Variants in CCDC102B observed in about 807,000 individuals in gnomAD.
CCDC102B encodes coiled-coil domain containing 102B.
In CCDC102B, 75 loss-of-function variants were observed where a neutral mutation model predicts 57.4. The ratio of observed to expected loss-of-function variants is 1.31; its 90% confidence interval spans 1.08 to 1.58. CCDC102B has a LOEUF of 1.58. Ranked by LOEUF, CCDC102B falls within the 40% of genes most tolerant of loss-of-function variation. The pLI is 0.00. For missense variants in CCDC102B, 636 were observed against 582.6 expected, an observed-to-expected ratio of 1.09 and a Z score of -0.94; for synonymous variants, 206 against 201.9, an observed-to-expected ratio of 1.02 and a Z score of -0.17.
intron 6 of CCDC102B, among the ~76,000 whole-genome samples, chr18:68,981,617 AAC>A (rs2050584255): frequency 6.6e-6 from 1 of 152,006 alleles, no homozygotes; most frequent in Admixed American, 6.6e-5. Context: ...GCAGTGAAAA[AAC>A]ACACAAAGCC....
At chr18:68,940,396 C>T (rs914154322) in intron 6 of CCDC102B, among the ~76,000 whole-genome samples, 3 of 151,740 alleles carry the variant, frequency 2.0e-5, no homozygotes, top group African/African-American at 4.8e-5. Flanking sequence ...CAAAATCTCC[C>T]ACAGATAACT....
intron 6 of CCDC102B, among the ~76,000 whole-genome samples, chr18:68,960,354 C>T (rs1398746534): frequency 7.7e-6 from 1 of 129,944 alleles, no homozygotes; most frequent in African/African-American, 3.1e-5. Flanking sequence ...GCCTGATGCC[C>T]TATTCTACTG....
chr18:68,993,002 G>T (rs994186586), intron 6 of CCDC102B: 1 of 158,822 alleles, frequency 6.3e-6, no homozygotes, highest in South Asian at 1.7e-4. Context: ...GAGCAAACTC[G>T]AAAATGTGAC....
At chr18:68,803,082 GT>G (rs1423757615) in intron 1 of CCDC102B, among the ~76,000 whole-genome samples, 9 of 152,112 alleles carry the variant, frequency 5.9e-5, no homozygotes, top group Non-Finnish European at 1.0e-4. Context: ...ACTTAAAACT[GT>G]TTCTTTATTA....
Position 68,836,944 on chromosome 18 carries a change from T to C in CCDC102B, c.181T>C (p.Ser61Pro), listed in dbSNP as rs1366413041. 1 of 1,614,120 alleles carries C rather than the reference T, an allele frequency of 6.2e-7. No homozygotes were observed. The highest frequency in any genetic ancestry group is 1.7e-5 in the Admixed American group (1 of 60,012). The change falls in exon 2 of 8, where the codon TCA becomes CCA. Residue 61 changes from serine to proline, a missense_variant. Ser to Pro is a moderately conservative substitution (Grantham distance 74). Transcript: ENST00000360242. ...TGCTGCTCACAATTTCTGTGCTCAC[T>C]CATATAACACCAACAAATGGGATAT... is the stretch of plus-strand genomic sequence containing the variant. ...SHAAHNFCAHSYNTNKWDICE... is the reference protein window; with the variant it reads ...SHAAHNFCAHPYNTNKWDICE...
chr18:69,038,019 CAG>C (rs2052340896), intron 7 of CCDC102B, among the ~76,000 whole-genome samples: 1 of 151,918 alleles, frequency 6.6e-6, no homozygotes, highest in African/African-American at 2.4e-5. Flanking sequence ...GAGATTGAAA[CAG>C]ATTTATAAAA....
intron 2 of CCDC102B, among the ~76,000 whole-genome samples, chr18:68,722,140 G>A (rs1016467588): frequency 5.3e-5 from 8 of 152,126 alleles, no homozygotes; most frequent in African/African-American, 1.9e-4. Context: ...TATTGTCTCT[G>A]GCTTTGAACG....
intron 5 of CCDC102B, among the ~76,000 whole-genome samples, chr18:68,879,528 C>T (rs759228892): frequency 4.6e-5 from 7 of 151,894 alleles, no homozygotes; most frequent in Non-Finnish European, 8.8e-5. Context: ...AGGTTCTCCA[C>T]GTCCCCACCA....
chr18:68,730,982 A>T (rs944589665), intron 2 of CCDC102B, among the ~76,000 whole-genome samples: 20 of 152,002 alleles, frequency 1.3e-4, no homozygotes, highest in African/African-American at 4.1e-4. Context: ...TTTATTTTTT[A>T]AATTTTATTT....
chr18:69,056,926 C>T (rs1361076126), downstream of CCDC102B, among the ~76,000 whole-genome samples: 1 of 151,924 alleles, frequency 6.6e-6, no homozygotes, highest in African/African-American at 2.4e-5. Flanking sequence ...TCTTCTCAGC[C>T]CCTTTCTAGG....
intron 2 of CCDC102B, among the ~76,000 whole-genome samples, chr18:68,778,765 G>A (rs1452041049): frequency 2.0e-5 from 3 of 151,868 alleles, no homozygotes; most frequent in African/African-American, 7.3e-5. Flanking sequence ...ACAGGGCATG[G>A]GAACTGCTTT....
At chr18:68,988,673 C>T (rs1439380556) in intron 6 of CCDC102B, among the ~76,000 whole-genome samples, 6 of 151,838 alleles carry the variant, frequency 4.0e-5, no homozygotes, top group African/African-American at 9.7e-5. Context: ...AAAGTAAAAA[C>T]TTCATGATTA....
At chr18:68,715,786 A>G (rs1049379189) in intron 1 of CCDC102B, among the ~76,000 whole-genome samples, 2 of 152,176 alleles carry the variant, frequency 1.3e-5, no homozygotes, top group African/African-American at 4.8e-5. Flanking sequence ...AAAACCATAT[A>G]CTTTTATAAG....
chr18:68,771,984 A>T (rs1279183781), intron 2 of CCDC102B, among the ~76,000 whole-genome samples: 1 of 151,896 alleles, frequency 6.6e-6, no homozygotes, highest in African/African-American at 2.4e-5. Context: ...CCTGTTTCCA[A>T]ATGTTTTAGA....
At chr18:68,770,015 C>T (rs2034588345) in intron 2 of CCDC102B, among the ~76,000 whole-genome samples, 1 of 152,106 alleles carries the variant, frequency 6.6e-6, no homozygotes, top group African/African-American at 2.4e-5. Context: ...CTTCATTAGT[C>T]CAGCTGGAAA....
At chr18:68,717,733 T>A (rs2032101537) in intron 2 of CCDC102B, among the ~76,000 whole-genome samples, 1 of 151,998 alleles carries the variant, frequency 6.6e-6, no homozygotes, top group African/African-American at 2.4e-5. Flanking sequence ...TAAAAGATTC[T>A]ACTATTTTGA....
chr18:68,724,201 G>C (rs917492168), intron 2 of CCDC102B, among the ~76,000 whole-genome samples: 25 of 152,176 alleles, frequency 1.6e-4, no homozygotes, highest in African/African-American at 5.8e-4. Context: ...TAGAGCTGGC[G>C]GGCCCTAAGC....
intron 6 of CCDC102B, among the ~76,000 whole-genome samples, chr18:68,913,344 G>GTGTGTGTGTGTGT (rs1555725389): frequency 3.0e-4 from 45 of 150,168 alleles, no homozygotes; most frequent in South Asian, 4.2e-4. Flanking sequence ...GTGTGTGTGT[G>GTGTGTGTGTGTGT]GTCCTACTTT....
chr18:68,793,590 T>TCC (rs2035534472), upstream of CCDC102B, among the ~76,000 whole-genome samples: 2 of 149,186 alleles, frequency 1.3e-5, no homozygotes, highest in Admixed American at 6.7e-5. Context: ...GTTCATAGAA[T>TCC]ATCCATCCAT....
Sources: allele counts gnomAD v4.1 joint callset (sites outside exome capture counted in the v4.1 genomes callset), GRCh38; gene constraint gnomAD v4.1.1; transcripts MANE v1.5; gene names NCBI Gene and HGNC (gene_info 2026-07-23, HGNC 2026-07-21).